Variants in LNX1 observed in about 807,000 individuals in gnomAD.
LNX1 encodes the protein E3 ubiquitin-protein ligase LNX.
Under a neutral mutation model 68.4 loss-of-function variants are expected in LNX1, and 54 were observed. The ratio of observed to expected loss-of-function variants is 0.79; its 90% CI spans 0.63 to 0.99. The LOEUF (loss-of-function observed/expected upper bound fraction) is 0.99. Among genes scored for constraint, LNX1 ranks in the 50% least tolerant of loss-of-function variants. LNX1 has a pLI of 0.00. For synonymous variants in LNX1, 336 were observed against 350.0 expected (o/e 0.96, Z 0.45); for missense variants, 906 against 926.4 (o/e 0.98, Z 0.29).
At chr4:53,501,051 A>G (rs1725438541) in intron 4 of LNX1, among the ~76,000 whole-genome samples, 1 of 152,184 alleles carries the variant, frequency 6.6e-6, no homozygotes, top group African/African-American at 2.4e-5. Context: ...TGTTAGAGCA[A>G]CACCAATGAG....
chr4:53,591,359 A>G (rs897973425), intron 1 of LNX1, 29 bp downstream of exon 1: 3 of 984,208 alleles, frequency 3.0e-6, no homozygotes, highest in African/African-American at 3.5e-5. Flanking sequence ...CTAAATGCCA[A>G]GAGAGAAAAA....
At chr4:53,604,697 G>C (rs1733155814) in intron 2 of LNX1, among the ~76,000 whole-genome samples, 2 of 152,204 alleles carry the variant, frequency 1.3e-5, no homozygotes, top group Admixed American at 1.3e-4. Flanking sequence ...ATGAATATCA[G>C]TCCAAAGTCA....
At chr4:53,481,602 G>A (rs1723915723) in intron 7 of LNX1, 118 bp downstream of exon 7, 2 of 1,189,942 alleles carry the variant, frequency 1.7e-6, no homozygotes, top group African/African-American at 1.6e-5. Context: ...AGTTTTACAA[G>A]TCAAAGTGTT....
chr4:53,496,451 A>G (rs1725069502), intron 5 of LNX1, 57 bp from the exon 6 acceptor site: 2 of 1,538,686 alleles, frequency 1.3e-6, no homozygotes, highest in East Asian at 4.6e-5. Context: ...CCCTTCCTGA[A>G]AGATCCAGGC....
intron 7 of LNX1, among the ~76,000 whole-genome samples, chr4:53,479,195 A>C (rs538994351): frequency 6.6e-6 from 1 of 152,350 alleles, no homozygotes; most frequent in African/African-American, 2.4e-5. Flanking sequence ...CTGGCCATGG[A>C]GGAATCTTAA....
chr4:53,573,136 C>T (rs1239879187), intron 2 of LNX1, among the ~76,000 whole-genome samples: 1 of 152,008 alleles, frequency 6.6e-6, no homozygotes, highest in Non-Finnish European at 1.5e-5. Flanking sequence ...ATGAGCTGGT[C>T]GCAAAAGGAC....
chr4:53,504,133 C>T (rs189360326), intron 4 of LNX1, among the ~76,000 whole-genome samples: 23 of 151,976 alleles, frequency 1.5e-4, no homozygotes, highest in African/African-American at 5.1e-4. Flanking sequence ...AGCGAGACTC[C>T]GTCTCAAAAA....
intron 4 of LNX1, 129 bp downstream of exon 4, chr4:53,507,188 T>C: frequency 4.2e-6 from 4 of 958,840 alleles, no homozygotes; most frequent in Non-Finnish European, 6.2e-6. Flanking sequence ...CTAATCAAAG[T>C]AAAAAATATT....
intron 9 of LNX1, among the ~76,000 whole-genome samples, chr4:53,468,250 T>C (rs573023893): frequency 1.9e-4 from 29 of 152,212 alleles, no homozygotes; most frequent in Non-Finnish European, 2.9e-4. Flanking sequence ...ATAAGCTCTA[T>C]AAGTGAAGGA....
chr4:53,518,825 A>G (rs1726991830), intron 2 of LNX1, among the ~76,000 whole-genome samples: 1 of 152,138 alleles, frequency 6.6e-6, no homozygotes, highest in African/African-American at 2.4e-5. Context: ...CGTAGGGAAA[A>G]GCATGGAAAA....
intron 1 of LNX1, chr4:53,576,283 G>C: frequency 6.8e-6 from 11 of 1,612,490 alleles, no homozygotes; most frequent in Non-Finnish European, 4.2e-6. Context: ...ATACCGCTTC[G>C]AGGTCCCCAT....
chr4:53,602,113 A>C (rs147998816), intron 2 of LNX1, among the ~76,000 whole-genome samples: 1 of 152,290 alleles, frequency 6.6e-6, no homozygotes, highest in East Asian at 1.9e-4. Context: ...AGAGTGAGAA[A>C]TAGAAACTAG....
chr4:53,464,904 T>C, intron 9 of LNX1, among the ~76,000 whole-genome samples: 1 of 152,140 alleles, frequency 6.6e-6, no homozygotes, highest in East Asian at 1.9e-4. Context: ...GTGACATGAA[T>C]TCTGAATTCA....
At chr4:53,620,504 C>T (rs1054416090), upstream of LNX1, among the ~76,000 whole-genome samples, 1 of 152,130 alleles carries the variant, frequency 6.6e-6, no homozygotes, top group Non-Finnish European at 1.5e-5. Context: ...ATGGGTCAGA[C>T]ACAGTGTTAG....
chr4:53,503,071 C>T (rs1242966589), intron 4 of LNX1, among the ~76,000 whole-genome samples: 1 of 152,122 alleles, frequency 6.6e-6, no homozygotes, highest in Non-Finnish European at 1.5e-5. Flanking sequence ...TTGGTCATAT[C>T]TTTAAGCTCC....
intron 5 of LNX1, among the ~76,000 whole-genome samples, chr4:53,497,292 CTG>C (rs1199816875): frequency 5.3e-5 from 8 of 152,318 alleles, no homozygotes; most frequent in African/African-American, 1.9e-4. Flanking sequence ...TTGCTGCACT[CTG>C]TGTTTGAGGA....
intron 9 of LNX1, among the ~76,000 whole-genome samples, chr4:53,475,650 C>T (rs1055198129): frequency 1.3e-5 from 2 of 152,198 alleles, no homozygotes; most frequent in Admixed American, 6.5e-5. Flanking sequence ...ATTATTCACA[C>T]ATTGGAACAG....
intron 1 of LNX1, among the ~76,000 whole-genome samples, chr4:53,617,003 T>A (rs1733705105): frequency 6.6e-6 from 1 of 152,206 alleles, no homozygotes; most frequent in South Asian, 2.1e-4. Context: ...GTACTTCTCA[T>A]TAGCCAAGAA....
At chr4:53,580,165 A>G (rs184102008) in intron 1 of LNX1, among the ~76,000 whole-genome samples, 5 of 152,308 alleles carry the variant, frequency 3.3e-5, no homozygotes, top group Admixed American at 3.3e-4. Flanking sequence ...AATAGAGGAA[A>G]AAGTCCACAT....
Sources: allele counts gnomAD v4.1 joint callset (sites outside exome capture counted in the v4.1 genomes callset), GRCh38; gene constraint gnomAD v4.1.1; transcripts MANE v1.5; gene names NCBI Gene and HGNC (gene_info 2026-07-23, HGNC 2026-07-21).